POLR1B: variants seen among roughly 807,000 people sequenced by gnomAD.
The protein encoded by POLR1B is DNA-directed RNA polymerase I subunit RPA2.
A neutral mutation model predicts 105.8 loss-of-function variants in POLR1B; 30 were observed. That is an observed-to-expected ratio of 0.28 (90% CI 0.21 to 0.38). The LOEUF (loss-of-function observed/expected upper bound fraction) is 0.38, where lower values mean the gene tolerates loss of function less well. Ranked by LOEUF, POLR1B falls within the 10% of genes least tolerant of loss-of-function variation. The pLI is 1.00. For missense variants in POLR1B, 976 were observed against 1,435.8 expected, an observed-to-expected ratio of 0.68 and a Z score of 5.17; for synonymous variants, 485 against 505.1, an observed-to-expected ratio of 0.96 and a Z score of 0.53.
chr2:112,568,485 T>G (rs936422485), intron 11 of POLR1B, among the ~76,000 whole-genome samples: 3 of 152,230 alleles, frequency 2.0e-5, no homozygotes, highest in Non-Finnish European at 4.4e-5. Context: ...TGCAAAATTA[T>G]AGGCTTTGTG....
Position 112,550,869 on chromosome 2 carries a change from T to C in POLR1B, c.629T>C (p.Val210Ala), listed in dbSNP as rs887337847. Residue 210 changes from valine (V) to alanine (A), a missense_variant, in exon 5 of 15, where the codon GTT (valine) becomes GCT (alanine). Around this residue, in one of 12 missense-constraint regions of POLR1B, gnomAD observed 452 missense variants for 616.5 expected, o/e 0.73. Coordinates refer to ENST00000263331, the MANE Select transcript of POLR1B (RefSeq NM_019014.6). The stretch of plus-strand genomic sequence containing the variant: ...TTTTTGTTGTTTGGTTCAATAGGAG[T>C]TTCAATGCACTGTGTGAGGGAAGAA... ...TRGPGYTQYGVSMHCVREEHS... is the reference protein window; with the variant it reads ...TRGPGYTQYGASMHCVREEHS... 6.2e-7 allele frequency: 1 copy of C among 1,612,834 alleles called. No individual in the cohort carries two copies. Among genetic ancestry groups the C allele is most frequent in the African/African-American group, 1.3e-5 (1 of 74,796 alleles).
At position 112,572,498 on chromosome 2, in the gene POLR1B, C is replaced by T. The variant is rs191159973; in HGVS notation, c.2075-64C>T. ...GGATATTTAGTTGTTTCCAGTGTTG[C>T]GTATCACACCTATAATCAAGATGAA... On this transcript the variant is annotated intron_variant, in intron 12 of 14. Transcript: ENST00000263331. 43 of 1,185,574 alleles carry T rather than the reference C, an allele frequency of 3.6e-5. No individual in the cohort carries two copies. In the African/African-American group the frequency reaches 5.0e-4, roughly 14 times the overall value. 73.4% of individuals were successfully genotyped at this position (1,185,574 alleles called of 1,614,324 possible).
chr2:112,556,801 G>T (rs759652206), intron 7 of POLR1B, among the ~76,000 whole-genome samples: 1 of 152,128 alleles, frequency 6.6e-6, no homozygotes, highest in Non-Finnish European at 1.5e-5. Context: ...ATGGTGTATA[G>T]TCTTTTTTTC....
chr2:112,567,652 T>TA (rs1348683975), intron 10 of POLR1B, among the ~76,000 whole-genome samples: 25 of 152,316 alleles, frequency 1.6e-4, no homozygotes, highest in African/African-American at 6.0e-4. Flanking sequence ...GTGCTGGGAT[T>TA]ACAGGTATAA....
chr2:112,559,339 G>A lies in POLR1B; in HGVS notation c.1377G>A (p.Lys459=), dbSNP rs1184302910. 2 of 1,614,188 alleles carry A rather than the reference G, an allele frequency of 1.2e-6. No individual in the cohort carries two copies. Among genetic ancestry groups the A allele is most frequent in the South Asian group, 1.1e-5 (1 of 91,086 alleles). The change falls in exon 9 of 15, where the codon AAG becomes AAA. Residue 459 remains lysine (K), a synonymous_variant. Transcript: ENST00000263331. ...CTGGACTTTGTGTTGTGGCTGACAAGCTGAACTTCATACGCTACCTCTCCC... is the reference window on the plus strand; with the variant it reads ...CTGGACTTTGTGTTGTGGCTGACAAACTGAACTTCATACGCTACCTCTCCC... The part of the protein sequence containing the change: ...QDSGLCVVAD[K]LNFIRYLSHF...
chr2:112,567,375 G>A (rs1188080989), intron 10 of POLR1B, among the ~76,000 whole-genome samples: 1 of 151,708 alleles, frequency 6.6e-6, no homozygotes, highest in Non-Finnish European at 1.5e-5. Flanking sequence ...CCAGGAGTTT[G>A]TTGGAGTTTT....
At chr2:112,559,131 T>G (rs1683825712) in intron 8 of POLR1B, among the ~76,000 whole-genome samples, 162 bp from the exon 9 acceptor site, 1 of 152,144 alleles carries the variant, frequency 6.6e-6, no homozygotes, top group African/African-American at 2.4e-5. Flanking sequence ...TTTACATATT[T>G]TTTTGTGAAC....
intron 9 of POLR1B, among the ~76,000 whole-genome samples, chr2:112,564,014 T>C (rs1160712319): frequency 6.6e-6 from 1 of 152,224 alleles, no homozygotes; most frequent in East Asian, 1.9e-4. Context: ...CTTCTAATTC[T>C]AGTGGTCTTG....
At chr2:112,565,679 C>T (rs900111153) in intron 10 of POLR1B, among the ~76,000 whole-genome samples, 1 of 152,042 alleles carries the variant, frequency 6.6e-6, no homozygotes, top group African/African-American at 2.4e-5. Context: ...CCCACCTCAG[C>T]TTGCCAAGCA....
At chr2:112,562,728 CTT>C (rs70965010) in intron 9 of POLR1B, among the ~76,000 whole-genome samples, 7 of 120,626 alleles carry the variant, frequency 5.8e-5, no homozygotes, top group Admixed American at 8.6e-5. Context: ...TCTTTTTTTT[CTT>C]TTTTTTTTTT....
rs1211496880 is a variant in POLR1B at position 112,574,973 on chromosome 2, C to T, written c.2652C>T (p.Ala884=). The change falls in exon 15 of 15, where the codon GCC becomes GCT. Residue 884 remains alanine (A), a synonymous_variant. Transcript: ENST00000263331. ...PRNPTIGDKF[A]SRHGQKGILS... ...ACCCAACTATCGGAGATAAATTTGC[C>T]AGTCGCCATGGGCAGAAGGGCATTT... 1 of 1,614,102 alleles carries T rather than the reference C, an allele frequency of 6.2e-7. No homozygotes were observed. Among genetic ancestry groups the T allele is most frequent in the Admixed American group, 1.7e-5 (1 of 59,994 alleles).
Position 112,574,937 on chromosome 2 carries a change from A to T in POLR1B, c.2616A>T (p.Arg872Ser). Residue 872 changes from arginine to serine, a missense_variant, in exon 15 of 15, where the codon AGA (arginine) becomes AGT (serine). Transcript: ENST00000263331. ...TCAAGTGTGTTTGCATCACTATGAGAGTGCCTCGGAACCCAACTATCGGAG... is the reference window on the plus strand; with the variant it reads ...TCAAGTGTGTTTGCATCACTATGAGTGTGCCTCGGAACCCAACTATCGGAG... The part of the protein sequence containing the change: ...GKFKCVCITM[R>S]VPRNPTIGDK... 1 of 1,614,138 alleles carries T rather than the reference A, an allele frequency of 6.2e-7. No homozygotes were observed. The highest frequency in any genetic ancestry group is 2.2e-5 in the East Asian group (1 of 44,880).
At chr2:112,563,013 G>A (rs1209968839) in intron 9 of POLR1B, among the ~76,000 whole-genome samples, 1 of 149,836 alleles carries the variant, frequency 6.7e-6, no homozygotes, top group East Asian at 2.0e-4. Flanking sequence ...ACAGGTGTGA[G>A]TGACTGCACC....
chr2:112,544,819 C>T (rs1682948701), intron 1 of POLR1B, among the ~76,000 whole-genome samples: 1 of 152,134 alleles, frequency 6.6e-6, no homozygotes, highest in African/African-American at 2.4e-5. Context: ...GAGTGAATTC[C>T]TCCTTTCTGT....
intron 3 of POLR1B, 42 bp from the exon 4 acceptor site, chr2:112,549,225 A>G: frequency 6.2e-7 from 1 of 1,606,070 alleles, no homozygotes; most frequent in Non-Finnish European, 8.5e-7. Flanking sequence ...ACAGTTAGTC[A>G]TGTATCTTTG....
intron 9 of POLR1B, among the ~76,000 whole-genome samples, chr2:112,560,454 A>G (rs1484630608): frequency 6.6e-6 from 1 of 152,002 alleles, no homozygotes; most frequent in Admixed American, 6.5e-5. Flanking sequence ...ATATCATCAG[A>G]TATATAACCT....
In POLR1B at chr2:112,550,897, T is replaced by C. The variant is rs918374362; in HGVS notation, c.657T>C (p.His219=). ...GVSMHCVREE[H]SAVNMNLHYL... ...CAATGCACTGTGTGAGGGAAGAACA[T>C]TCCGCTGTCAATATGAACCTCCACT... The change falls in exon 5 of 15, where the codon CAT becomes CAC. Residue 219 remains histidine, a synonymous_variant. Coordinates refer to ENST00000263331, the MANE Select transcript of POLR1B (RefSeq NM_019014.6). 3 of 1,614,010 alleles carry C rather than the reference T, an allele frequency of 1.9e-6. No individual in the cohort carries two copies. Among genetic ancestry groups the C allele is most frequent in the Admixed American group, 3.3e-5 (2 of 60,010 alleles).
Position 112,575,640 on chromosome 2 carries a change from A to G in POLR1B, c.3319A>G (p.Ile1107Val), listed in dbSNP as rs1558668243. The change falls in exon 15 of 15, where the codon ATC (isoleucine) becomes GTC (valine). Residue 1107 changes from isoleucine (I) to valine (V), a missense_variant. Around this residue, in one of 12 missense-constraint regions of POLR1B, gnomAD observed 77 missense variants for 104.5 expected, o/e 0.74. Transcript: ENST00000263331. The surrounding 1 kb of genome is among the most constrained non-coding windows in gnomAD (Gnocchi z 5.3). ...NCTLCSRSDT[I>V]DTVSVPYVFR... is the part of the protein sequence containing the mutation. Reference sequence around the variant, plus strand: ...TACTCTGTGTAGTCGCAGTGACACTATCGATACTGTTTCTGTGCCTTATGT... The same window carrying G: ...TACTCTGTGTAGTCGCAGTGACACTGTCGATACTGTTTCTGTGCCTTATGT... 1 of 1,614,144 alleles carries G rather than the reference A, an allele frequency of 6.2e-7. No individual in the cohort carries two copies. The highest frequency in any genetic ancestry group is 8.5e-7 in the Non-Finnish European group (1 of 1,180,032).
chr2:112,558,174 C>G (rs1471222578), intron 8 of POLR1B, 93 bp downstream of exon 8: 48 of 1,047,558 alleles, frequency 4.6e-5, no homozygotes, highest in Non-Finnish European at 5.7e-5. Context: ...AAAAGCAAAC[C>G]CCACGAAAAA....
Sources: gnomAD v4.1 joint callset for allele counts (sites outside exome capture counted in the v4.1 genomes callset) on GRCh38, gnomAD v4.1.1 for gene constraint, gnomAD v4.1.1 regional missense constraint, Gnocchi (gnomAD v3.1) non-coding constraint, MANE v1.5 for transcripts, NCBI Gene and HGNC (gene_info 2026-07-23, HGNC 2026-07-21) for gene names.